NAA11: variants seen among roughly 807,000 people sequenced by gnomAD.
NAA11 encodes N-alpha-acetyltransferase 11, NatA catalytic subunit.
A neutral mutation model predicts 16.1 loss-of-function variants in NAA11; 15 were observed. The observed-to-expected ratio is 0.93, with a 90% CI of 0.62 to 1.44. The LOEUF is 1.44. Among genes scored for constraint, NAA11 ranks in the 40% most tolerant of loss-of-function variants. The pLI, the probability that NAA11 is intolerant of heterozygous loss-of-function variation, is 0.00. For missense variants in NAA11, 298 were observed against 291.3 expected, an observed-to-expected ratio of 1.02 and a Z score of -0.17; for synonymous variants, 122 against 112.4, an observed-to-expected ratio of 1.09 and a Z score of -0.54.
the NAA11 span, among the ~76,000 whole-genome samples, chr4:79,164,692 G>A: frequency 5.3e-5 from 8 of 152,304 alleles, no homozygotes; most frequent in Middle Eastern, 3.4e-3. Context: ...AGTCAGCCAG[G>A]TGAAGTGGTT....
chr4:79,313,582 TG>T (rs1723843173), downstream of NAA11, among the ~76,000 whole-genome samples: 1 of 152,206 alleles, frequency 6.6e-6, no homozygotes, highest in African/African-American at 2.4e-5. Context: ...TGATTTAAAA[TG>T]AAAAGAGTTT....
chr4:79,163,714 C>T, the NAA11 span, among the ~76,000 whole-genome samples: 1 of 152,128 alleles, frequency 6.6e-6, no homozygotes, highest in Non-Finnish European at 1.5e-5. Flanking sequence ...AGAGGCTGTG[C>T]TTGACTGGGA....
At chr4:79,208,060 A>G in the NAA11 span, among the ~76,000 whole-genome samples, 2 of 152,162 alleles carry the variant, frequency 1.3e-5, no homozygotes, top group Non-Finnish European at 2.9e-5. Flanking sequence ...ACAGAAATAA[A>G]ATAACTACCT....
At chr4:79,245,943 G>C (rs1249883796) in intron 2 of NAA11, among the ~76,000 whole-genome samples, 1 of 152,206 alleles carries the variant, frequency 6.6e-6, no homozygotes, top group Admixed American at 6.5e-5. Flanking sequence ...TAGAAAAGGG[G>C]GAAATGTGGG....
At chr4:79,235,545 A>C (rs554649251) in intron 2 of NAA11, among the ~76,000 whole-genome samples, 1 of 152,168 alleles carries the variant, frequency 6.6e-6, no homozygotes, top group African/African-American at 2.4e-5. Context: ...AATCAGTTAT[A>C]CTATGTTGAG....
At chr4:79,251,978 C>G (rs904124872) in intron 2 of NAA11, among the ~76,000 whole-genome samples, 1 of 149,486 alleles carries the variant, frequency 6.7e-6, no homozygotes, top group Non-Finnish European at 1.5e-5. Context: ...GAAGAAAATG[C>G]GGTATATATT....
chr4:79,208,712 T>C, the NAA11 span, among the ~76,000 whole-genome samples: 1 of 151,820 alleles, frequency 6.6e-6, no homozygotes, highest in Non-Finnish European at 1.5e-5. Flanking sequence ...TTGTATAGCA[T>C]TATACATATT....
intron 2 of NAA11, among the ~76,000 whole-genome samples, chr4:79,257,738 T>C (rs539722717): frequency 6.6e-6 from 1 of 152,352 alleles, no homozygotes; most frequent in Admixed American, 6.5e-5. Context: ...TTTCATATAT[T>C]GTATCATTTT....
At chr4:79,279,740 G>C (rs941826722) in intron 2 of NAA11, among the ~76,000 whole-genome samples, 3 of 152,076 alleles carry the variant, frequency 2.0e-5, no homozygotes, top group African/African-American at 7.2e-5. Flanking sequence ...TTGTAAACCT[G>C]TTTCATACCT....
the NAA11 span, among the ~76,000 whole-genome samples, chr4:79,182,176 CTCA>C: frequency 5.3e-5 from 8 of 152,122 alleles, no homozygotes; most frequent in Non-Finnish European, 8.8e-5. Context: ...GCATGCTAAA[CTCA>C]TCATTTTTGC....
chr4:79,281,183 C>G (rs1384221075), intron 2 of NAA11, among the ~76,000 whole-genome samples: 2 of 151,438 alleles, frequency 1.3e-5, no homozygotes, highest in Admixed American at 6.6e-5. Flanking sequence ...ATTTACCAGT[C>G]AAACAGCAAA....
chr4:79,210,739 C>T, the NAA11 span, among the ~76,000 whole-genome samples: 5 of 152,086 alleles, frequency 3.3e-5, no homozygotes, highest in East Asian at 3.9e-4. Context: ...AGAAGAAAGG[C>T]TCTGCAAGAC....
intron 2 of NAA11, among the ~76,000 whole-genome samples, chr4:79,285,561 T>G (rs1722887964): frequency 6.6e-6 from 1 of 151,962 alleles, no homozygotes; most frequent in Admixed American, 6.6e-5. Context: ...AGTTAAAGAC[T>G]TTGGAAATTA....
chr4:79,253,824 C>G (rs1346135550), intron 2 of NAA11, among the ~76,000 whole-genome samples: 1 of 152,070 alleles, frequency 6.6e-6, no homozygotes, highest in East Asian at 1.9e-4. Flanking sequence ...TCTGTCATGC[C>G]TAGACTTTTG....
downstream of NAA11, among the ~76,000 whole-genome samples, chr4:79,312,138 T>G (rs1265854549): frequency 6.6e-6 from 1 of 152,228 alleles, no homozygotes; most frequent in African/African-American, 2.4e-5. Flanking sequence ...AATATTTGTT[T>G]ATTAAAGACC....
chr4:79,303,690 T>C (rs1352168318), intron 1 of NAA11, among the ~76,000 whole-genome samples: 1 of 152,196 alleles, frequency 6.6e-6, no homozygotes, highest in African/African-American at 2.4e-5. Flanking sequence ...AAGAATGTAA[T>C]TGGTAGTCTT....
the NAA11 span, among the ~76,000 whole-genome samples, chr4:79,162,101 ATTTTC>A: frequency 6.6e-6 from 1 of 152,138 alleles, no homozygotes; most frequent in Non-Finnish European, 1.5e-5. Flanking sequence ...AAGTGGAATT[ATTTTC>A]TTTATTTTAT....
At chr4:79,308,707 C>A (rs1315081963) in intron 1 of NAA11, 5 of 152,086 alleles carry the variant, frequency 3.3e-5, no homozygotes, top group African/African-American at 1.2e-4. Context: ...TTCCCCCAAT[C>A]TATATTACTT....
intron 2 of NAA11, among the ~76,000 whole-genome samples, chr4:79,288,799 C>A (rs776868129): frequency 2.6e-5 from 4 of 151,956 alleles, no homozygotes; most frequent in Non-Finnish European, 5.9e-5. Flanking sequence ...AGAACAGAAA[C>A]CTTAAAGTCA....
Sources: allele counts gnomAD v4.1 joint callset (sites outside exome capture counted in the v4.1 genomes callset), GRCh38; gene constraint gnomAD v4.1.1; transcripts MANE v1.5; gene names NCBI Gene and HGNC (gene_info 2026-07-23, HGNC 2026-07-21).